The following NEBL variants were observed in gnomAD, a reference collection of about 807,000 sequenced individuals.
NEBL encodes nebulette, also known as LIM and SH3 protein 2.
Under a neutral mutation model 140.2 loss-of-function variants are expected in NEBL, and 122 were observed. That is an observed-to-expected ratio of 0.87 (90% confidence interval 0.75 to 1.01). The LOEUF (loss-of-function observed/expected upper bound fraction) is 1.01. Among genes scored for constraint, NEBL ranks in the 50% least tolerant of loss-of-function variants. NEBL has a pLI of 0.00. For missense variants in NEBL, 1,365 were observed against 1,231.3 expected (o/e 1.11, Z -1.62); for synonymous variants, 436 against 398.9 (o/e 1.09, Z -1.11).
intron 2 of NEBL, among the ~76,000 whole-genome samples, chr10:21,105,108 T>C (rs1837649944): frequency 6.6e-6 from 1 of 152,210 alleles, no homozygotes; most frequent in African/African-American, 2.4e-5. Flanking sequence ...TACATATTGT[T>C]GAATTTTATT....
chr10:20,964,360 G>T (rs1211030742), intron 3 of NEBL, among the ~76,000 whole-genome samples: 1 of 152,162 alleles, frequency 6.6e-6, no homozygotes, highest in East Asian at 1.9e-4. Context: ...AAGAAAAGAG[G>T]TTTATTTGGC....
At chr10:21,142,382 G>A (rs1459805431) in intron 2 of NEBL, among the ~76,000 whole-genome samples, 1 of 152,010 alleles carries the variant, frequency 6.6e-6, no homozygotes, top group Non-Finnish European at 1.5e-5. Flanking sequence ...CACCACCCCA[G>A]AAGTTCCAGA....
At chr10:21,094,285 G>A (rs1359261087) in intron 2 of NEBL, among the ~76,000 whole-genome samples, 2 of 151,944 alleles carry the variant, frequency 1.3e-5, no homozygotes, top group African/African-American at 2.4e-5. Context: ...GGCGGATCAC[G>A]AGGTCAGGAG....
chr10:20,841,034 T>C (rs1454833224), intron 12 of NEBL, among the ~76,000 whole-genome samples, 185 bp from the exon 13 acceptor site: 3 of 152,102 alleles, frequency 2.0e-5, no homozygotes, highest in Non-Finnish European at 4.4e-5. Context: ...AAGTTCAGAG[T>C]GGCTTCCAAT....
intron 4 of NEBL, among the ~76,000 whole-genome samples, chr10:20,944,040 A>G (rs1835035024): frequency 6.6e-6 from 1 of 152,246 alleles, no homozygotes; most frequent in Non-Finnish European, 1.5e-5. Flanking sequence ...ATGGTTCACC[A>G]TCTAACTTTC....
chr10:21,280,773 C>T (rs1842984116), intron 1 of NEBL, among the ~76,000 whole-genome samples: 1 of 151,960 alleles, frequency 6.6e-6, no homozygotes. Flanking sequence ...CACCATCGCG[C>T]ATGGCTAATT....
chr10:21,072,090 T>C (rs1413539954), intron 2 of NEBL, among the ~76,000 whole-genome samples: 1 of 152,142 alleles, frequency 6.6e-6, no homozygotes, highest in East Asian at 1.9e-4. Flanking sequence ...AATGCTGGGA[T>C]TACAGGTATG....
intron 20 of NEBL, chr10:20,818,676 G>A (rs969297152): frequency 8.6e-6 from 4 of 465,018 alleles, no homozygotes; most frequent in African/African-American, 8.5e-5. Context: ...GAACTATGAG[G>A]TCCTTGAGGA....
At chr10:20,880,657 C>T (rs758114465) in intron 5 of NEBL, 137 bp downstream of exon 5, 38 of 729,130 alleles carry the variant, frequency 5.2e-5, no homozygotes, top group South Asian at 3.6e-4. Flanking sequence ...TTCAGATGTA[C>T]CTCTGACTGA....
chr10:20,964,059 G>GT (rs1836180507), intron 3 of NEBL, among the ~76,000 whole-genome samples: 1 of 152,178 alleles, frequency 6.6e-6, no homozygotes. Context: ...TGTCAGTCAT[G>GT]TGTAGTCTGA....
chr10:20,962,265 CT>C (rs1836087486), intron 3 of NEBL, among the ~76,000 whole-genome samples: 1 of 152,216 alleles, frequency 6.6e-6, no homozygotes, highest in African/African-American at 2.4e-5. Flanking sequence ...CTAAACTGCC[CT>C]ATGGAGGAGG....
chr10:20,802,479 A>G (rs1475537193), intron 26 of NEBL, among the ~76,000 whole-genome samples: 1 of 152,220 alleles, frequency 6.6e-6, no homozygotes, highest in African/African-American at 2.4e-5. Context: ...TAAAATGCAA[A>G]CCCTTTGGTA....
chr10:21,089,430 G>C (rs1365219157), intron 2 of NEBL, among the ~76,000 whole-genome samples: 3 of 152,170 alleles, frequency 2.0e-5, no homozygotes, highest in African/African-American at 7.2e-5. Context: ...GCAGCATGGA[G>C]GATTTCCATC....
chr10:20,909,246 AT>A (rs1026623656), intron 4 of NEBL, among the ~76,000 whole-genome samples: 4,223 of 141,182 alleles, frequency 0.03, 149 homozygotes, highest in African/African-American at 0.091. Flanking sequence ...CGTTCATTCT[AT>A]TTTTTTTTTT....
At chr10:21,225,877 C>T (rs1842139876) in intron 3 of NEBL, among the ~76,000 whole-genome samples, 1 of 152,100 alleles carries the variant, frequency 6.6e-6, no homozygotes. Flanking sequence ...TACCCTGCCC[C>T]ACTGTGGTCA....
Position 21,094,499 on chromosome 10 carries a change from CAAAAAAAAAAAAAAAAA to C in NEBL, c.165-74315_165-74299del, listed in dbSNP as rs72278772. Among the ~76,000 whole-genome samples, 26 of 63,212 alleles carry C rather than the reference CAAAAAAAAAAAAAAAAA, an allele frequency of 4.1e-4. 1 individual carries two copies. The highest frequency in any genetic ancestry group is 8.7e-4 in the African/African-American group (16 of 18,322). The allele number at this position is 63,212 out of a possible 152,430, so 41.5% of individuals were successfully genotyped here. Reference sequence around the variant, plus strand: ...CCTGGGAGACAGCGAGACTCCGTCTCAAAAAAAAAAAAAAAAAAAAAAAAAAAAAAAAATTAGCCAGA... The same window carrying C: ...CCTGGGAGACAGCGAGACTCCGTCTCAAAAAAAAAAAAAAAATTAGCCAGA... On this transcript the variant is annotated intron_variant, in intron 2 of 6. Coordinates refer to the NEBL transcript ENST00000417816.
At chr10:21,093,446 G>A (rs139503167) in intron 2 of NEBL, among the ~76,000 whole-genome samples, 552 of 152,168 alleles carry the variant, frequency 3.6e-3, no homozygotes, top group African/African-American at 0.013. Context: ...GGAACCAGAC[G>A]CCCAAAGCCA....
At chr10:21,126,974 CAAA>C (rs55883304) in intron 2 of NEBL, among the ~76,000 whole-genome samples, 155 of 64,178 alleles carry the variant, frequency 2.4e-3, no homozygotes, top group African/African-American at 6.1e-3. Flanking sequence ...GACCCTGTAT[CAAA>C]AAAAAAAAAA....
At chr10:21,291,345 A>G (rs9971348) in intron 1 of NEBL, among the ~76,000 whole-genome samples, 19,085 of 151,682 alleles carry the variant, frequency 0.13, 1,261 homozygotes, top group South Asian at 0.19. Context: ...GTCTCTACCA[A>G]AAATACAAAA....
Sources: allele counts gnomAD v4.1 joint callset (sites outside exome capture counted in the v4.1 genomes callset), GRCh38; gene constraint gnomAD v4.1.1; transcripts MANE v1.5; gene names NCBI Gene and HGNC (gene_info 2026-07-23, HGNC 2026-07-21).